CEP295: variants seen among roughly 807,000 people sequenced by gnomAD.
CEP295 encodes centrosomal protein of 295 kDa.
Under a neutral mutation model 291.6 loss-of-function variants are expected in CEP295, and 190 were observed. That is an observed-to-expected ratio of 0.65 (90% CI 0.58 to 0.73). CEP295 has a LOEUF of 0.73. Ranked by LOEUF, CEP295 falls within the 30% of genes least tolerant of loss-of-function variation. The probability of loss-of-function intolerance (pLI) is 0.00; values close to 1 mark genes in which losing one functional copy is unlikely to be tolerated. For missense variants in CEP295, 2,863 were observed against 2,949.4 expected, an observed-to-expected ratio of 0.97 and a Z score of 0.68; for synonymous variants, 993 against 1,038.8, an observed-to-expected ratio of 0.96 and a Z score of 0.85.
intron 12 of CEP295, among the ~76,000 whole-genome samples, chr11:93,694,948 G>A (rs1951776196): frequency 6.6e-6 from 1 of 152,158 alleles, no homozygotes; most frequent in Non-Finnish European, 1.5e-5. Context: ...TACTTAGAGT[G>A]TGAGTGTGCT....
intron 18 of CEP295, among the ~76,000 whole-genome samples, chr11:93,707,682 G>A (rs966802174): frequency 1.6e-4 from 25 of 151,944 alleles, no homozygotes; most frequent in Non-Finnish European, 3.4e-4. Context: ...CTGGGAGGTA[G>A]AGCTTGCAGT....
Position 93,698,438 on chromosome 11 carries a change from A to G in CEP295, c.3526A>G (p.Ile1176Val), listed in dbSNP as rs1402545738. The change falls in exon 15 of 30, where the codon ATA becomes GTA. Residue 1176 changes from isoleucine to valine, a missense_variant. This residue lies in a region of CEP295 where 2,295 missense variants were observed against 2,335.7 expected (regional missense o/e 0.98). Coordinates refer to ENST00000325212, the MANE Select transcript of CEP295 (RefSeq NM_033395.2). ...AGAACAGTCACAAATACAAAGGGTA[A>G]TACTTGGTGCTAAAGAAGGAACTCA... ...LQEQSQIQRVILGAKEGTQEF... is the reference protein window; with the variant it reads ...LQEQSQIQRVVLGAKEGTQEF... 6.4e-6 allele frequency: 10 copies of G among 1,552,088 alleles called. No individual in the cohort carries two copies. In the Admixed American group the frequency reaches 7.8e-5, roughly 12 times the overall value.
rs1244950001 is a variant in CEP295 at position 93,727,087 on chromosome 11, G to A, written c.6611G>A (p.Gly2204Asp). 1.9e-6 allele frequency: 3 copies of A among 1,551,402 alleles called. No individual in the cohort carries two copies. In the South Asian group the frequency reaches 3.6e-5, roughly 18 times the overall value. ...FSIEARDSSQ[G>D]MKNQNYPSEE... is the part of the protein sequence containing the mutation. The stretch of plus-strand genomic sequence containing the variant: ...ATTGAAGCAAGAGATTCTTCCCAAG[G>A]CATGAAAAATCAGAACTATCCCTCT... The change falls in exon 24 of 30, where the codon GGC (glycine) becomes GAC (aspartate). Residue 2204 changes from glycine (G) to aspartate (D), a missense_variant. Gly to Asp is a moderately conservative substitution (Grantham distance 94). Transcript: ENST00000325212.
chr11:93,723,960 T>TA (rs956348666), intron 21 of CEP295: 5 of 168,340 alleles, frequency 3.0e-5, no homozygotes, highest in South Asian at 1.6e-4. Flanking sequence ...ATCTCTATTT[T>TA]AAAAAAAAAT....
chr11:93,668,322 G>C (rs920006040), intron 3 of CEP295, among the ~76,000 whole-genome samples: 2 of 152,152 alleles, frequency 1.3e-5, no homozygotes, highest in Admixed American at 6.5e-5. Flanking sequence ...TAGTGAGAAA[G>C]AAAATATCTT....
Position 93,697,352 on chromosome 11 carries a change from A to C in CEP295, c.2440A>C (p.Met814Leu). Residue 814 changes from methionine to leucine, a missense_variant, in exon 15 of 30, where the codon ATG becomes CTG. Physicochemically the swap from Met to Leu is conservative, Grantham distance 15. Transcript: ENST00000325212. Reference sequence around the variant, plus strand: ...AAAAATTCAAGAACCCTTTTCAGCCATGAGCAAAAGTACAGTTTCCACAAG... The same window carrying C: ...AAAAATTCAAGAACCCTTTTCAGCCCTGAGCAAAAGTACAGTTTCCACAAG... ...SGKIQEPFSAMSKSTVSTSHS... is the reference protein window; with the variant it reads ...SGKIQEPFSALSKSTVSTSHS... The C allele has an allele frequency of 6.4e-7, 1 of 1,551,930 alleles. No individual in the cohort carries two copies. The highest frequency in any genetic ancestry group is 8.7e-7 in the Non-Finnish European group (1 of 1,147,038).
intron 29 of CEP295, 35 bp from the exon 30 acceptor site, chr11:93,730,196 C>T: frequency 6.4e-7 from 1 of 1,551,240 alleles, no homozygotes; most frequent in Non-Finnish European, 8.7e-7. Flanking sequence ...GCATGAAGTA[C>T]ACAACTGAAA....
At chr11:93,711,906 GAGA>G (rs561205726) in intron 18 of CEP295, among the ~76,000 whole-genome samples, 324 of 152,134 alleles carry the variant, frequency 2.1e-3, no homozygotes, top group African/African-American at 7.6e-3. Context: ...ATGTGCTGAG[GAGA>G]AGAATATGTA....
chr11:93,688,642 C>T (rs928820376), intron 10 of CEP295, among the ~76,000 whole-genome samples: 1 of 152,166 alleles, frequency 6.6e-6, no homozygotes, highest in Admixed American at 6.5e-5. Flanking sequence ...TCCATAATGA[C>T]TAACCATTGT....
chr11:93,719,731 A>G (rs1429691937), intron 18 of CEP295: 1 of 152,190 alleles, frequency 6.6e-6, no homozygotes, highest in Non-Finnish European at 1.5e-5. Flanking sequence ...AATAAAATGA[A>G]TAATTAATAA....
intron 7 of CEP295, among the ~76,000 whole-genome samples, chr11:93,682,223 T>A (rs899508585): frequency 6.6e-6 from 1 of 152,302 alleles, no homozygotes; most frequent in African/African-American, 2.4e-5. Context: ...AATTTATTTT[T>A]ATTTATTTTT....
chr11:93,706,684 A>G, intron 17 of CEP295, 61 bp from the exon 18 acceptor site: 2 of 1,377,596 alleles, frequency 1.5e-6, no homozygotes, highest in Non-Finnish European at 9.7e-7. Context: ...ATAAATTGGC[A>G]CTTTAGTTCT....
chr11:93,721,580 T>C (rs1318559706), intron 19 of CEP295, 168 bp downstream of exon 19: 1 of 764,274 alleles, frequency 1.3e-6, no homozygotes. Flanking sequence ...GCATCAGAAG[T>C]CTTTCCAGTC....
intron 23 of CEP295, 89 bp downstream of exon 23, chr11:93,725,920 G>T: frequency 9.4e-7 from 1 of 1,059,838 alleles, no homozygotes; most frequent in South Asian, 1.4e-5. Context: ...CTCTTGGTTT[G>T]TCTTCACCCC....
At chr11:93,719,550 G>A (rs957944654) in intron 18 of CEP295, 1 of 152,032 alleles carries the variant, frequency 6.6e-6, no homozygotes, top group Non-Finnish European at 1.5e-5. Context: ...CTAGAGGGGT[G>A]AGCCACCATG....
Position 93,727,311 on chromosome 11 carries a change from A to G in CEP295, c.6835A>G (p.Met2279Val), listed in dbSNP as rs1380066025. Reference protein sequence around the residue: ...KHQLESRKESMGFEELSKRGV... With the variant: ...KHQLESRKESVGFEELSKRGV... Reference sequence around the variant, plus strand: ...CCAACTAGAAAGCAGAAAGGAAAGTATGGGCTTTGAAGAACTATCAAAAAG... The same window carrying G: ...CCAACTAGAAAGCAGAAAGGAAAGTGTGGGCTTTGAAGAACTATCAAAAAG... Residue 2279 changes from methionine to valine, a missense_variant, in exon 24 of 30, where the codon ATG becomes GTG. By Grantham distance (21) the Met-to-Val change is conservative (BLOSUM62 1). Transcript: ENST00000325212. 12 of 1,551,626 alleles carry G rather than the reference A, an allele frequency of 7.7e-6. No homozygotes were observed. Among genetic ancestry groups the G allele is most frequent in the African/African-American group, 1.4e-5 (1 of 73,178 alleles).
chr11:93,669,074 G>A, intron 4 of CEP295, 142 bp downstream of exon 4: 1 of 531,858 alleles, frequency 1.9e-6, no homozygotes, highest in Non-Finnish European at 3.3e-6. Flanking sequence ...TAAAAATAAT[G>A]TTGGGGACAG....
Position 93,697,648 on chromosome 11 carries a change from A to G in CEP295, c.2736A>G (p.Glu912=), listed in dbSNP as rs1294402659. Residue 912 remains glutamate, a synonymous_variant, in exon 15 of 30, where the codon GAA becomes GAG. Transcript: ENST00000325212. Reference sequence around the variant, plus strand: ...AAGCAGATTTGGGGAGAATCCAGGAATCTTCACCAACCAAGAATAATATTG... The same window carrying G: ...AAGCAGATTTGGGGAGAATCCAGGAGTCTTCACCAACCAAGAATAATATTG... ...SAKADLGRIQ[E]SSPTKNNIAV... 1.3e-6 allele frequency: 2 copies of G among 1,551,876 alleles called. No individual in the cohort carries two copies. The highest frequency in any genetic ancestry group is 1.4e-5 in the African/African-American group (1 of 73,184).
rs758392095 is a variant in CEP295 at position 93,729,521 on chromosome 11, G to C, written c.7390G>C (p.Ala2464Pro). Residue 2464 changes from alanine (A) to proline (P), a missense_variant, in exon 26 of 30, where the codon GCA (alanine) becomes CCA (proline). Coordinates refer to ENST00000325212, the MANE Select transcript of CEP295 (RefSeq NM_033395.2). ...ACTTTCCATAGAAAAACCAAGGACA[G>C]CATCTACAGGTAAGCCTTGGACGGC... ...SELSIEKPRT[A>P]STETPRRLTP... 1.8e-5 allele frequency: 28 copies of C among 1,551,270 alleles called. No homozygotes were observed. In the African/African-American group the frequency reaches 3.1e-4, roughly 17 times the overall value.
Sources: allele counts gnomAD v4.1 joint callset (sites outside exome capture counted in the v4.1 genomes callset), GRCh38; gene constraint gnomAD v4.1.1; regional missense constraint gnomAD v4.1.1; transcripts MANE v1.5; gene names NCBI Gene and HGNC (gene_info 2026-07-23, HGNC 2026-07-21).